ZMAT4: variants seen among roughly 807,000 people sequenced by gnomAD.
The protein encoded by ZMAT4 is zinc finger matrin-type 4, also known as zinc finger matrin-type protein 4.
Under a neutral mutation model 28.7 loss-of-function variants are expected in ZMAT4, and 17 were observed. That is an observed-to-expected ratio of 0.59 (90% CI 0.41 to 0.89). The LOEUF is 0.89. Among genes scored for constraint, ZMAT4 ranks in the 40% least tolerant of loss-of-function variants. The pLI is 0.00. For synonymous variants in ZMAT4, 117 were observed against 109.2 expected (o/e 1.07, Z -0.44); for missense variants, 240 against 283.8 (o/e 0.85, Z 1.11).
chr8:40,600,999 G>C (rs1043097534), intron 5 of ZMAT4, among the ~76,000 whole-genome samples: 1 of 152,112 alleles, frequency 6.6e-6, no homozygotes, highest in African/African-American at 2.4e-5. Flanking sequence ...ATAGCAAGCA[G>C]TATAAGACTC....
intron 6 of ZMAT4, among the ~76,000 whole-genome samples, chr8:40,554,037 C>T (rs1472464409): frequency 1.3e-5 from 2 of 152,108 alleles, no homozygotes; most frequent in Non-Finnish European, 2.9e-5. Flanking sequence ...TATACATATA[C>T]ATGTCTTGTC....
chr8:40,869,512 C>T (rs1304351648), intron 1 of ZMAT4, among the ~76,000 whole-genome samples: 3 of 152,202 alleles, frequency 2.0e-5, no homozygotes, highest in Non-Finnish European at 4.4e-5. Flanking sequence ...GTCTCAACTG[C>T]ATTATCTAGA....
rs150329105 is a variant in ZMAT4 at position 40,653,502 on chromosome 8, A to G, written c.577+21202T>C. Among the ~76,000 whole-genome samples the G allele has an allele frequency of 1.2e-3, 189 of 152,246 alleles. 2 individuals carry two copies. Among genetic ancestry groups the G allele is most frequent in the Admixed American group, 4.5e-3 (68 of 15,280 alleles). On this transcript the variant is annotated intron_variant, in intron 5 of 6. Transcript: ENST00000297737. ...ATTTGAAAAGATCAACAAAACTGAT[A>G]AATATCTAGCTAAATTGACAAGAAA...
In ZMAT4 at chr8:40,674,935, T is replaced by TGAAAG; in HGVS notation, c.350-9_350-5dup. ...TTAAGTGGGCTCAGGGGTGTTGCTG[T>TGAAAG]GAAAGGAAACAACCAGAGAACCACA... On this transcript the variant is annotated splice_region_variant and splice_polypyrimidine_tract_variant and intron_variant, in intron 4 of 6. Coordinates refer to ENST00000297737, the MANE Select transcript of ZMAT4 (RefSeq NM_024645.3). 2 of 1,610,564 alleles carry TGAAAG rather than the reference T, an allele frequency of 1.2e-6. No individual in the cohort carries two copies.
At chr8:40,821,114 TAC>T (rs1027176495) in intron 2 of ZMAT4, among the ~76,000 whole-genome samples, 5 of 152,066 alleles carry the variant, frequency 3.3e-5, no homozygotes, top group Non-Finnish European at 5.9e-5. Context: ...TGTATGTGTG[TAC>T]ACACACATAT....
intron 5 of ZMAT4, among the ~76,000 whole-genome samples, chr8:40,605,907 A>T (rs2599688): frequency 2.6e-5 from 4 of 152,072 alleles, no homozygotes; most frequent in Non-Finnish European, 5.9e-5. Context: ...TTGGACTAGT[A>T]CTTTTATCAT....
At chr8:40,581,859 C>T (rs1189920437) in intron 5 of ZMAT4, among the ~76,000 whole-genome samples, 3 of 152,196 alleles carry the variant, frequency 2.0e-5, no homozygotes, top group Non-Finnish European at 4.4e-5. Context: ...ACAGTATCAA[C>T]TTTGGGCCAG....
At chr8:40,880,105 C>A (rs559749730) in intron 1 of ZMAT4, among the ~76,000 whole-genome samples, 1 of 152,286 alleles carries the variant, frequency 6.6e-6, no homozygotes, top group Non-Finnish European at 1.5e-5. Flanking sequence ...TGGTGGCCCA[C>A]ACCTATAATC....
chr8:40,765,198 C>T lies in ZMAT4; in HGVS notation c.192+2443G>A, dbSNP rs959031278. On this transcript the variant is annotated intron_variant, in intron 3 of 6. Transcript: ENST00000297737. ...GCTTCAATGCCCAAAAATAAGACACCATTTCTTATTCTCCAGACAACGTCT... is the reference window on the plus strand; with the variant it reads ...GCTTCAATGCCCAAAAATAAGACACTATTTCTTATTCTCCAGACAACGTCT... Among the ~76,000 whole-genome samples the T allele has an allele frequency of 3.9e-5, 6 of 152,242 alleles. No individual in the cohort carries two copies. In the East Asian group the frequency reaches 7.7e-4, roughly 20 times the overall value.
At chr8:40,553,911 C>T (rs1011385606) in intron 6 of ZMAT4, among the ~76,000 whole-genome samples, 1 of 152,166 alleles carries the variant, frequency 6.6e-6, no homozygotes, top group South Asian at 2.1e-4. Flanking sequence ...ATTTAATCAT[C>T]ACATCCAATG....
chr8:40,576,687 G>T (rs1804277781), intron 6 of ZMAT4, among the ~76,000 whole-genome samples: 1 of 152,110 alleles, frequency 6.6e-6, no homozygotes, highest in Non-Finnish European at 1.5e-5. Flanking sequence ...AGAAATAAAA[G>T]AAGAATAACT....
intron 6 of ZMAT4, among the ~76,000 whole-genome samples, chr8:40,572,487 A>AGT (rs1804129778): frequency 1.3e-5 from 2 of 152,308 alleles, no homozygotes; most frequent in South Asian, 4.2e-4. Context: ...TATCAAAGTA[A>AGT]GTAATGACAA....
chr8:40,595,642 C>T (rs1214745303), intron 5 of ZMAT4, among the ~76,000 whole-genome samples: 1 of 151,974 alleles, frequency 6.6e-6, no homozygotes, highest in East Asian at 1.9e-4. Flanking sequence ...TACCTAAGCA[C>T]AGAAAAGGTA....
chr8:40,886,792 C>T (rs541699016), intron 1 of ZMAT4, among the ~76,000 whole-genome samples: 1 of 152,198 alleles, frequency 6.6e-6, no homozygotes, highest in Admixed American at 6.5e-5. Context: ...TTTCTCTTCC[C>T]ACATTCCGAA....
intron 5 of ZMAT4, among the ~76,000 whole-genome samples, chr8:40,670,476 T>A (rs1444371979): frequency 6.6e-6 from 1 of 152,122 alleles, no homozygotes; most frequent in East Asian, 1.9e-4. Context: ...CAGGCAAAGA[T>A]TTTTTTAGGT....
chr8:40,695,180 C>A (rs1303047902), intron 4 of ZMAT4, among the ~76,000 whole-genome samples: 2 of 152,240 alleles, frequency 1.3e-5, no homozygotes, highest in African/African-American at 4.8e-5. Flanking sequence ...ACACACATTG[C>A]ATACATTTGC....
At chr8:40,540,314 C>T (rs1301874777) in intron 6 of ZMAT4, among the ~76,000 whole-genome samples, 2 of 152,100 alleles carry the variant, frequency 1.3e-5, no homozygotes, top group Non-Finnish European at 1.5e-5. Context: ...AAGGGTCCCT[C>T]CTTCCCTTTT....
chr8:40,566,966 T>C (rs949452027), intron 6 of ZMAT4, among the ~76,000 whole-genome samples: 1 of 152,158 alleles, frequency 6.6e-6, no homozygotes, highest in African/African-American at 2.4e-5. Context: ...TTTAAGGCAT[T>C]TATAAGATCT....
rs1240691964 is a variant in ZMAT4 at position 40,651,587 on chromosome 8, C to G, written c.577+23117G>C. On this transcript the variant is annotated intron_variant, in intron 5 of 6. Coordinates refer to ENST00000297737, the MANE Select transcript of ZMAT4 (RefSeq NM_024645.3). ...AATTGGAAAAAACTACTTTAAAGTT[C>G]ATATGGAACCAAAAAAGAGCCCGCA... 2.3e-4 allele frequency among the ~76,000 whole-genome samples: 34 copies of G among 148,134 alleles called. No homozygotes were observed. The South Asian group carries it at 7.6e-3, about 33-fold the overall frequency.
Sources: allele counts gnomAD v4.1 joint callset (sites outside exome capture counted in the v4.1 genomes callset), GRCh38; gene constraint gnomAD v4.1.1; transcripts MANE v1.5; gene names NCBI Gene and HGNC (gene_info 2026-07-23, HGNC 2026-07-21).